The following ZZEF1 variants were observed in gnomAD, a reference collection of about 807,000 sequenced individuals.
ZZEF1 encodes the protein zinc finger ZZ-type and EF-hand domain-containing protein 1.
In ZZEF1, 157 loss-of-function variants were observed where a neutral mutation model predicts 342.8. The ratio of observed to expected loss-of-function variants is 0.46; its 90% CI spans 0.40 to 0.52. The LOEUF (loss-of-function observed/expected upper bound fraction) is 0.52. Ranked by LOEUF, ZZEF1 falls within the 20% of genes least tolerant of loss-of-function variation. The pLI is 0.00. For synonymous variants in ZZEF1, 1,505 were observed against 1,429.1 expected (o/e 1.05, Z -1.20); for missense variants, 3,480 against 3,725.6 (o/e 0.93, Z 1.72).
At chr17:4,043,956 T>A (rs1454319418) in intron 38 of ZZEF1, among the ~76,000 whole-genome samples, 1 of 152,232 alleles carries the variant, frequency 6.6e-6, no homozygotes, top group African/African-American at 2.4e-5. Flanking sequence ...TCTGTCTGAT[T>A]CAGTCCCTGT....
At position 4,064,352 on chromosome 17, in the gene ZZEF1, C is replaced by T. The variant is rs200105461; in HGVS notation, c.4718+9G>A. 144 of 1,558,888 alleles carry T rather than the reference C, an allele frequency of 9.2e-5. No homozygotes were observed. The East Asian group carries it at 1.5e-3, about 16-fold the overall frequency. ...AGAGAAAGCGACAGGAAGGTAACAA[C>T]GGGCTTACCTCCTGTGCGAGAGCGA... On this transcript the variant is annotated intron_variant, in intron 29 of 54. Coordinates refer to ENST00000381638, the MANE Select transcript of ZZEF1 (RefSeq NM_015113.4).
intron 52 of ZZEF1, among the ~76,000 whole-genome samples, chr17:4,011,404 A>AG (rs951130188): frequency 2.7e-5 from 3 of 111,282 alleles, no homozygotes; most frequent in African/African-American, 1.3e-4. Flanking sequence ...ACCATGTTTC[A>AG]AAAAAAAAAA....
intron 1 of ZZEF1, among the ~76,000 whole-genome samples, chr17:4,136,552 C>T (rs2058752156): frequency 1.3e-5 from 2 of 152,124 alleles, no homozygotes; most frequent in Admixed American, 1.3e-4. Flanking sequence ...TGCTCACAAG[C>T]AGGCTGGCTC....
intron 52 of ZZEF1, 129 bp downstream of exon 52, chr17:4,013,320 G>T: frequency 1.1e-6 from 1 of 948,090 alleles, no homozygotes; most frequent in Non-Finnish European, 1.5e-6. Flanking sequence ...GCAAATGACT[G>T]AAAAACTGGA....
chr17:4,132,863 G>A (rs935957443), intron 1 of ZZEF1, among the ~76,000 whole-genome samples: 9 of 152,102 alleles, frequency 5.9e-5, no homozygotes, highest in African/African-American at 2.2e-4. Flanking sequence ...CTACTCGGGA[G>A]ACTGAGGCAG....
chr17:4,104,793 C>T lies in ZZEF1; in HGVS notation c.1413G>A (p.Glu471=), dbSNP rs1224030585. ...IRITSCCSTP[E]VELTLLAFAL... ...CAAAAGCCAGAAGAGTCAGTTCTACCTCTGGGGTAGAACAGCAGCTATAAG... is the reference window on the plus strand; with the variant it reads ...CAAAAGCCAGAAGAGTCAGTTCTACTTCTGGGGTAGAACAGCAGCTATAAG... The change falls in exon 8 of 55, where the codon GAG becomes GAA. Residue 471 remains glutamate (E), a synonymous_variant. Coordinates refer to ENST00000381638, the MANE Select transcript of ZZEF1 (RefSeq NM_015113.4). 1.9e-6 allele frequency: 3 copies of T among 1,613,804 alleles called. No individual in the cohort carries two copies. The Admixed American group carries it at 5.0e-5, about 27-fold the overall frequency.
Position 4,023,075 on chromosome 17 carries a change from C to T in ZZEF1, c.7093-247G>A, listed in dbSNP as rs115281330. On this transcript the variant is annotated intron_variant, in intron 43 of 54. Coordinates refer to ENST00000381638, the MANE Select transcript of ZZEF1 (RefSeq NM_015113.4). Reference sequence around the variant, plus strand: ...CCTACAAGGTCCCTGCCTGCTTCTCCGGCTGCGCCCCACCTTTCCTGCATT... The same window carrying T: ...CCTACAAGGTCCCTGCCTGCTTCTCTGGCTGCGCCCCACCTTTCCTGCATT... 4.9e-3 allele frequency among the ~76,000 whole-genome samples: 748 copies of T among 152,312 alleles called. 5 individuals are homozygous for T. Among genetic ancestry groups the T allele is most frequent in the African/African-American group, 0.017 (721 of 41,554 alleles).
Position 4,016,751 on chromosome 17 carries a change from C to G in ZZEF1, c.8002-285G>C, listed in dbSNP as rs568354945. The G allele has an allele frequency of 4.3e-4, 144 of 334,456 alleles. 1 individual carries two copies. The highest frequency in any genetic ancestry group is 7.3e-4 in the Non-Finnish European group (134 of 183,582). 20.7% of individuals were successfully genotyped at this position (334,456 alleles called of 1,614,324 possible). ...AAAGGGTCCTGGTCCTTGAAGGAGT[C>G]CCCAGCCAAGCAGGTGGATTGGCCT... is the stretch of plus-strand genomic sequence containing the variant. On this transcript the variant is annotated intron_variant, in intron 48 of 54. Transcript: ENST00000381638. This position sits in a 1 kb window ranked among gnomAD's most constrained non-coding sequence, Gnocchi z 4.4.
chr17:4,046,524 G>A (rs1225038108), intron 37 of ZZEF1, among the ~76,000 whole-genome samples: 1 of 152,192 alleles, frequency 6.6e-6, no homozygotes, highest in Admixed American at 6.5e-5. Context: ...TTCAGGAGGT[G>A]ACATGCCGTC....
At chr17:4,042,834 A>C (rs1021304144) in intron 38 of ZZEF1, among the ~76,000 whole-genome samples, 1 of 152,164 alleles carries the variant, frequency 6.6e-6, no homozygotes, top group Admixed American at 6.5e-5. Context: ...GGCGTGCGCC[A>C]CCTTGCTCAG....
chr17:4,137,229 T>C (rs963203906), intron 1 of ZZEF1, among the ~76,000 whole-genome samples: 6 of 152,098 alleles, frequency 3.9e-5, no homozygotes, highest in Admixed American at 1.3e-4. Context: ...CCTTCCTCCA[T>C]AGCTCTCCTA....
chr17:4,064,261 T>C (rs1160894238), intron 29 of ZZEF1, 100 bp downstream of exon 29: 10 of 926,824 alleles, frequency 1.1e-5, no homozygotes, highest in Non-Finnish European at 1.6e-5. Context: ...CTATCCTAAA[T>C]ATTATTTGTT....
chr17:4,041,567 A>C (rs2056804950), intron 39 of ZZEF1, among the ~76,000 whole-genome samples: 1 of 152,214 alleles, frequency 6.6e-6, no homozygotes, highest in South Asian at 2.1e-4. Flanking sequence ...TCTGTTTACT[A>C]GAAAAAGTGG....
At chr17:4,048,672 C>G (rs1285380901) in intron 37 of ZZEF1, among the ~76,000 whole-genome samples, 1 of 152,164 alleles carries the variant, frequency 6.6e-6, no homozygotes, top group Non-Finnish European at 1.5e-5. Flanking sequence ...AATATAAATA[C>G]AGCTACACCG....
intron 30 of ZZEF1, among the ~76,000 whole-genome samples, chr17:4,061,155 T>C (rs2057279191): frequency 2.0e-5 from 3 of 152,216 alleles, no homozygotes; most frequent in Admixed American, 2.0e-4. Flanking sequence ...ATCCAGTGTG[T>C]TTTTATCTCT....
chr17:4,076,804 G>A (rs769700275), intron 20 of ZZEF1, 45 bp from the exon 21 acceptor site: 1 of 1,611,362 alleles, frequency 6.2e-7, no homozygotes. Context: ...CTTAGGCTGG[G>A]CCTGGGGATG....
chr17:4,096,139 A>G (rs539793761), intron 10 of ZZEF1, among the ~76,000 whole-genome samples, 160 bp from the exon 11 acceptor site: 46 of 152,336 alleles, frequency 3.0e-4, no homozygotes, highest in African/African-American at 1.1e-3. Flanking sequence ...GCTGTTTCCC[A>G]AGAAATGTTC....
chr17:4,109,082 C>T (rs1025615433), intron 6 of ZZEF1, among the ~76,000 whole-genome samples: 8 of 151,908 alleles, frequency 5.3e-5, no homozygotes, highest in Admixed American at 5.3e-4. Context: ...TTCAAAAGTA[C>T]TCTACATTTC....
rs1291398384 is a variant in ZZEF1 at position 4,077,802 on chromosome 17, G to A, written c.2989+81C>T. 2.8e-6 allele frequency: 4 copies of A among 1,435,188 alleles called. No individual in the cohort carries two copies. In the African/African-American group the frequency reaches 4.2e-5, roughly 15 times the overall value. 88.9% of individuals were successfully genotyped at this position (1,435,188 alleles called of 1,614,324 possible). Reference sequence around the variant, plus strand: ...GAAGAAAGCCATATGCACACTCATTGCATGAGTTACTAAAGAAGAGAACAC... The same window carrying A: ...GAAGAAAGCCATATGCACACTCATTACATGAGTTACTAAAGAAGAGAACAC... On this transcript the variant is annotated intron_variant, in intron 19 of 54. Coordinates refer to ENST00000381638, the MANE Select transcript of ZZEF1 (RefSeq NM_015113.4).
Sources: gnomAD v4.1 joint callset for allele counts (sites outside exome capture counted in the v4.1 genomes callset) on GRCh38, gnomAD v4.1.1 for gene constraint, Gnocchi (gnomAD v3.1) non-coding constraint, MANE v1.5 for transcripts, NCBI Gene and HGNC (gene_info 2026-07-23, HGNC 2026-07-21) for gene names.